The following ZNF827 variants were observed in gnomAD, a reference collection of about 807,000 sequenced individuals.
ZNF827 encodes zinc finger protein 827.
In ZNF827, 13 loss-of-function variants were observed where a neutral mutation model predicts 102.4. The observed-to-expected ratio is 0.13, with a 90% CI of 0.08 to 0.20. The LOEUF (loss-of-function observed/expected upper bound fraction) is 0.20, where lower values mean the gene tolerates loss of function less well. Among genes scored for constraint, ZNF827 ranks in the 10% least tolerant of loss-of-function variants. The pLI, the probability that ZNF827 is intolerant of heterozygous loss-of-function variation, is 1.00. For synonymous variants in ZNF827, 523 were observed against 536.2 expected, an observed-to-expected ratio of 0.98 and a Z score of 0.34; for missense variants, 1,103 against 1,344.4, an observed-to-expected ratio of 0.82 and a Z score of 2.81.
intron 8 of ZNF827, among the ~76,000 whole-genome samples, chr4:145,788,402 G>C (rs1292538783): frequency 1.3e-5 from 2 of 152,188 alleles, no homozygotes. Context: ...TCCAAATGTA[G>C]ATAGTCACTG....
At chr4:145,929,349 G>A (rs908540074) in intron 1 of ZNF827, among the ~76,000 whole-genome samples, 1 of 152,160 alleles carries the variant, frequency 6.6e-6, no homozygotes, top group Non-Finnish European at 1.5e-5. Context: ...TTGAACAGAA[G>A]AATAAATAAA....
intron 8 of ZNF827, among the ~76,000 whole-genome samples, chr4:145,822,118 G>T (rs527754738): frequency 6.6e-6 from 1 of 152,260 alleles, no homozygotes; most frequent in East Asian, 1.9e-4. Flanking sequence ...TGAGTATGAA[G>T]ACATAAACTA....
At chr4:145,767,433 G>T (rs910287385) in intron 11 of ZNF827, among the ~76,000 whole-genome samples, 1 of 152,150 alleles carries the variant, frequency 6.6e-6, no homozygotes, top group Non-Finnish European at 1.5e-5. Flanking sequence ...AATCCCTGGT[G>T]GGGTGGGGAG....
At chr4:145,895,482 T>C (rs1353250366) in intron 2 of ZNF827, among the ~76,000 whole-genome samples, 1 of 152,148 alleles carries the variant, frequency 6.6e-6, no homozygotes, top group Non-Finnish European at 1.5e-5. Context: ...GGAAAAAAAT[T>C]AGAACACACA....
intron 1 of ZNF827, among the ~76,000 whole-genome samples, chr4:145,918,352 A>AAAC: frequency 6.7e-6 from 1 of 149,774 alleles, no homozygotes; most frequent in African/African-American, 2.4e-5. Flanking sequence ...AAAAAAAAAA[A>AAAC]AAAAAAACTG....
chr4:145,937,989 A>G (rs1278760133), intron 1 of ZNF827, among the ~76,000 whole-genome samples: 1 of 91,140 alleles, frequency 1.1e-5, no homozygotes, highest in Non-Finnish European at 2.2e-5. Context: ...TCCCCCCACC[A>G]AACCCCCGAT....
intron 1 of ZNF827, among the ~76,000 whole-genome samples, chr4:145,936,676 G>C (rs527723866): frequency 1.8e-4 from 27 of 151,992 alleles, no homozygotes; most frequent in Non-Finnish European, 3.1e-4. Flanking sequence ...CGGTTATTTC[G>C]CGAGGGGGAG....
At chr4:145,916,422 C>T (rs1752672459) in intron 1 of ZNF827, among the ~76,000 whole-genome samples, 1 of 152,154 alleles carries the variant, frequency 6.6e-6, no homozygotes, top group African/African-American at 2.4e-5. Flanking sequence ...TTACAGCAGC[C>T]CTAGGCAGCA....
chr4:145,806,371 G>T (rs1482608361), intron 8 of ZNF827, among the ~76,000 whole-genome samples: 2 of 151,926 alleles, frequency 1.3e-5, no homozygotes, highest in South Asian at 2.1e-4. Flanking sequence ...GCCCAGGCTG[G>T]TCTCGAACTC....
rs887807108 is a variant in ZNF827, at chr4:145,774,763, A to G, written c.2694-91T>C. 19 of 1,375,286 alleles carry G rather than the reference A, an allele frequency of 1.4e-5. No individual in the cohort carries two copies. In the Admixed American group the frequency reaches 3.9e-4, roughly 28 times the overall value. 85.2% of individuals were successfully genotyped at this position (1,375,286 alleles called of 1,614,324 possible). On this transcript the variant is annotated intron_variant, in intron 10 of 14. Transcript: ENST00000508784. Reference sequence around the variant, plus strand: ...TGTCCATTTATACACAGTACACTCAAGAAAACTGGAATTTGAAACACATTT... The same window carrying G: ...TGTCCATTTATACACAGTACACTCAGGAAAACTGGAATTTGAAACACATTT...
chr4:145,870,685 TC>T, intron 4 of ZNF827: 1 of 504,422 alleles, frequency 2.0e-6, no homozygotes, highest in Admixed American at 3.2e-5. Flanking sequence ...GGCTTCTGAA[TC>T]TTTTGAACCT....
At chr4:145,831,328 T>C (rs963755201) in intron 7 of ZNF827, 14 of 152,350 alleles carry the variant, frequency 9.2e-5, no homozygotes, top group African/African-American at 2.9e-4. Flanking sequence ...TCATTGATCA[T>C]GTTGGGCTCA....
At chr4:145,839,684 C>T (rs1467228354) in intron 7 of ZNF827, 1 of 152,248 alleles carries the variant, frequency 6.6e-6, no homozygotes, top group Non-Finnish European at 1.5e-5. Flanking sequence ...GCCTCACCTA[C>T]TTTTTGGTTA....
At chr4:145,857,745 C>CT (rs1747290543) in intron 5 of ZNF827, among the ~76,000 whole-genome samples, 2 of 152,146 alleles carry the variant, frequency 1.3e-5, no homozygotes, top group African/African-American at 4.8e-5. Flanking sequence ...ATCTGTTGAA[C>CT]TTTGAGTGTC....
intron 1 of ZNF827, among the ~76,000 whole-genome samples, chr4:145,929,234 G>C (rs766724220): frequency 7.9e-5 from 12 of 152,164 alleles, no homozygotes; most frequent in Admixed American, 1.3e-4. Flanking sequence ...AGAAACAGCA[G>C]ACCCTGCCTT....
chr4:145,849,234 C>T (rs1435554437), intron 6 of ZNF827, 88 bp downstream of exon 6: 1 of 1,452,604 alleles, frequency 6.9e-7, no homozygotes, highest in Non-Finnish European at 9.2e-7. Context: ...TCCTATAATT[C>T]AGGTTTTTTT....
intron 1 of ZNF827, among the ~76,000 whole-genome samples, chr4:145,935,089 T>C (rs1330451269): frequency 5.3e-5 from 8 of 152,176 alleles, no homozygotes; most frequent in Non-Finnish European, 8.8e-5. Context: ...CTCCTTTCTT[T>C]TAGAGTCAAC....
intron 4 of ZNF827, among the ~76,000 whole-genome samples, chr4:145,880,073 A>G (rs1475194353): frequency 6.6e-6 from 1 of 152,166 alleles, no homozygotes; most frequent in African/African-American, 2.4e-5. Context: ...CATCTCTACC[A>G]AAAATATAAA....
intron 8 of ZNF827, among the ~76,000 whole-genome samples, chr4:145,788,163 T>TA (rs1739160399): frequency 6.6e-6 from 1 of 150,934 alleles, no homozygotes; most frequent in Admixed American, 6.6e-5. Flanking sequence ...TGGATAACCA[T>TA]TTTTTTTTGC....
Sources: allele counts gnomAD v4.1 joint callset (sites outside exome capture counted in the v4.1 genomes callset), GRCh38; gene constraint gnomAD v4.1.1; transcripts MANE v1.5; gene names NCBI Gene and HGNC (gene_info 2026-07-23, HGNC 2026-07-21).